The following MROH7 variants were observed in gnomAD, a reference collection of about 807,000 sequenced individuals.
MROH7 encodes the protein maestro heat like repeat family member 7.
In MROH7, 113 loss-of-function variants were observed where a neutral mutation model predicts 129.2. The observed-to-expected ratio is 0.87, with a 90% confidence interval of 0.75 to 1.02. The LOEUF is 1.02. Ranked by LOEUF, MROH7 falls within the 50% of genes least tolerant of loss-of-function variation. The pLI is 0.00. For synonymous variants in MROH7, 655 were observed against 667.9 expected (o/e 0.98, Z 0.30); for missense variants, 1,601 against 1,671.3 (o/e 0.96, Z 0.73).
Position 54,670,806 on chromosome 1 carries a change from C to T in MROH7, c.1476C>T (p.Thr492=), listed in dbSNP as rs1181987531. Residue 492 remains threonine (T), a synonymous_variant, in exon 7 of 24, where the codon ACC becomes ACT. Coordinates refer to ENST00000421030, the MANE Select transcript of MROH7 (RefSeq NM_001039464.4). The part of the protein sequence containing the change: ...AMEILTQLSH[T]QPTLGMRERS... ...CTTTCTGCCTCTTCTCCAGCCACAC[C>T]CAGCCCACCCTGGGCATGCGGGAGA... 1 of 1,613,802 alleles carries T rather than the reference C, an allele frequency of 6.2e-7. No individual in the cohort carries two copies. The highest frequency in any genetic ancestry group is 1.3e-5 in the African/African-American group (1 of 74,924).
chr1:54,699,093 C>CTGCCTTTCTTTTTTTT lies in MROH7; in HGVS notation c.2965-1227_2965-1226insGCCTTTCTTTTTTTTT, dbSNP rs1406420741. On this transcript the variant is annotated intron_variant, in intron 17 of 23. Coordinates refer to ENST00000421030, the MANE Select transcript of MROH7 (RefSeq NM_001039464.4). ...ATAGGTGTGAGCCACCTTGCCTGGC[C>CTGCCTTTCTTTTTTTT]TTTTCTTTCTTTCTTTCTTTCTTTC... 6.2e-4 allele frequency: 67 copies of CTGCCTTTCTTTTTTTT among 108,058 alleles called. 2 individuals are homozygous for CTGCCTTTCTTTTTTTT. Among genetic ancestry groups the CTGCCTTTCTTTTTTTT allele is most frequent in the African/African-American group, 2.0e-3 (59 of 30,138 alleles). 6.7% of individuals were successfully genotyped at this position (108,058 alleles called of 1,614,324 possible). A position where few individuals can be genotyped will look rare whatever the true frequency, so the allele number is the denominator to read the frequency against.
At chr1:54,693,661 C>T (rs1168949401) in intron 16 of MROH7, among the ~76,000 whole-genome samples, 1 of 152,084 alleles carries the variant, frequency 6.6e-6, no homozygotes, top group Non-Finnish European at 1.5e-5. Flanking sequence ...GCACAGCTTC[C>T]CACGGGGTCA....
rs1644598167 is a variant in MROH7 at position 54,653,845 on chromosome 1, G to A, written c.919G>A (p.Gly307Ser). 1 of 1,613,942 alleles carries A rather than the reference G, an allele frequency of 6.2e-7. No individual in the cohort carries two copies. Among genetic ancestry groups the A allele is most frequent in the Non-Finnish European group, 8.5e-7 (1 of 1,179,980 alleles). The change falls in exon 3 of 24, where the codon GGT becomes AGT. Residue 307 changes from glycine (G) to serine (S), a missense_variant. Physicochemically the swap from Gly to Ser is moderately conservative, Grantham distance 56. Transcript: ENST00000421030. ...GACCCTGATTCCTGGCTCCAGCTAT[G>A]GTATCAGCCTGCACTCCAGCACCCA... Reference protein sequence around the residue: ...YVTLIPGSSYGISLHSSTHEP... With the variant: ...YVTLIPGSSYSISLHSSTHEP...
At chr1:54,654,197 G>T in intron 3 of MROH7, 40 bp downstream of exon 3, 1 of 1,517,028 alleles carries the variant, frequency 6.6e-7, no homozygotes. Context: ...GCACTGTCCT[G>T]GAGGAATTCT....
chr1:54,686,253 C>A lies in MROH7; in HGVS notation c.2521-5C>A, dbSNP rs1164697917. 3.7e-6 allele frequency: 6 copies of A among 1,609,800 alleles called. No homozygotes were observed. Among genetic ancestry groups the A allele is most frequent in the Non-Finnish European group, 5.1e-6 (6 of 1,177,716 alleles). ...CATCCCAGCAGCCTCCCCTCTGCCC[C>A]ATAGGCAGCCAGCGGCCTGTGCGAG... On this transcript the variant is annotated splice_polypyrimidine_tract_variant and splice_region_variant and intron_variant, in intron 14 of 23. Coordinates refer to ENST00000421030, the MANE Select transcript of MROH7 (RefSeq NM_001039464.4).
intron 1 of MROH7, among the ~76,000 whole-genome samples, chr1:54,645,427 G>C (rs1486784381): frequency 6.6e-6 from 1 of 151,692 alleles, no homozygotes; most frequent in African/African-American, 2.4e-5. Flanking sequence ...TTACAGGTAT[G>C]CACCACCATG....
intron 15 of MROH7, among the ~76,000 whole-genome samples, chr1:54,690,999 G>T (rs1314633296): frequency 6.6e-6 from 1 of 152,168 alleles, no homozygotes; most frequent in Non-Finnish European, 1.5e-5. Context: ...CTTAGGTAAA[G>T]GTGCTAGTGC....
chr1:54,699,259 T>TCCTCCCTCCTTC (rs1207722825), intron 17 of MROH7: 2 of 149,394 alleles, frequency 1.3e-5, no homozygotes, highest in African/African-American at 2.5e-5. Context: ...CTTCCTTCCT[T>TCCTCCCTCCTTC]CCTCCCTCCT....
At position 54,653,131 on chromosome 1, in the gene MROH7, T is replaced by C; in HGVS notation, c.205T>C (p.Ser69Pro). ...TCTTAATGATTCTTTGAGTCCAGTC[T>C]CAGGGGAGGCCTCAGGCCTGGTGTC... ...PDLNDSLSPV[S>P]GEASGLVSEN... Residue 69 changes from serine to proline, a missense_variant, in exon 3 of 24, where the codon TCA becomes CCA. Coordinates refer to ENST00000421030, the MANE Select transcript of MROH7 (RefSeq NM_001039464.4). The C allele has an allele frequency of 6.2e-7, 1 of 1,614,202 alleles. No individual in the cohort carries two copies. The highest frequency in any genetic ancestry group is 8.5e-7 in the Non-Finnish European group (1 of 1,180,036).
chr1:54,695,790 C>A, intron 17 of MROH7: 1 of 406,504 alleles, frequency 2.5e-6, no homozygotes, highest in Non-Finnish European at 4.7e-6. Flanking sequence ...CTACCCTGCC[C>A]TCAAGGAATT....
chr1:54,669,469 C>T (rs1644861820), intron 5 of MROH7, among the ~76,000 whole-genome samples: 7 of 152,182 alleles, frequency 4.6e-5, no homozygotes, highest in Admixed American at 4.6e-4. Context: ...ATTTAACTAA[C>T]ATTAATTGAA....
chr1:54,663,321 T>C (rs1644759694), intron 3 of MROH7, among the ~76,000 whole-genome samples: 1 of 152,188 alleles, frequency 6.6e-6, no homozygotes, highest in African/African-American at 2.4e-5. Context: ...GGACTCCCCT[T>C]CAAGCAAACT....
chr1:54,678,945 TC>T, intron 11 of MROH7, 91 bp downstream of exon 11: 1 of 1,089,482 alleles, frequency 9.2e-7, no homozygotes, highest in Non-Finnish European at 1.4e-6. Flanking sequence ...CTTCTAGCTT[TC>T]CAGGCTTTGC....
At position 54,701,271 on chromosome 1, in the gene MROH7, C is replaced by A. The variant is rs1645431320; in HGVS notation, c.3234C>A (p.Asp1078Glu). 6.2e-7 allele frequency: 1 copy of A among 1,613,040 alleles called. No individual in the cohort carries two copies. The highest frequency in any genetic ancestry group is 1.7e-5 in the Admixed American group (1 of 59,928). The change falls in exon 19 of 24, where the codon GAC becomes GAA. Residue 1078 changes from aspartate (D) to glutamate (E), a missense_variant. Asp to Glu is a conservative substitution (Grantham distance 45, BLOSUM62 2). Transcript: ENST00000421030. The stretch of plus-strand genomic sequence containing the variant: ...AGGGGCGGGACCAGAAGCTGATGGA[C>A]AGTGCGGTCTATGTGGAGATGCTGC... ...VFKGRDQKLM[D>E]SAVYVEMLQI...
intron 1 of MROH7, among the ~76,000 whole-genome samples, chr1:54,646,333 G>A (rs1187330554): frequency 6.7e-5 from 4 of 59,454 alleles, no homozygotes; most frequent in East Asian, 8.9e-4. Flanking sequence ...TCCTCTTTCC[G>A]GGTCTTTTTG....
chr1:54,702,061 A>ACC, intron 19 of MROH7, 29 bp from the exon 20 acceptor site: 1 of 1,531,436 alleles, frequency 6.5e-7, no homozygotes, highest in South Asian at 1.3e-5. Flanking sequence ...CAGAGGAGGG[A>ACC]CCCCCTCTGA....
At chr1:54,654,600 G>A (rs894903504) in intron 3 of MROH7, among the ~76,000 whole-genome samples, 8 of 152,106 alleles carry the variant, frequency 5.3e-5, no homozygotes, top group African/African-American at 1.7e-4. Flanking sequence ...TTGAACCTGG[G>A]AGGCAGAGGT....
At chr1:54,663,879 T>C (rs1644773095) in intron 3 of MROH7, 1 of 422,342 alleles carries the variant, frequency 2.4e-6, no homozygotes, top group Non-Finnish European at 4.6e-6. Flanking sequence ...GTGTTGGCTG[T>C]GTTCACTACA....
chr1:54,682,057 T>C (rs977730670), intron 13 of MROH7, among the ~76,000 whole-genome samples: 1 of 152,178 alleles, frequency 6.6e-6, no homozygotes, highest in African/African-American at 2.4e-5. Flanking sequence ...TAGGGCCTGG[T>C]GTACAGTAAA....
Sources: allele counts gnomAD v4.1 joint callset (sites outside exome capture counted in the v4.1 genomes callset), GRCh38; gene constraint gnomAD v4.1.1; transcripts MANE v1.5; gene names NCBI Gene and HGNC (gene_info 2026-07-23, HGNC 2026-07-21).